SNX13: variants seen among roughly 807,000 people sequenced by gnomAD.
SNX13 encodes sorting nexin-13.
SNX13 carries 45 observed loss-of-function variants against 133.6 expected under a neutral mutation model. The observed-to-expected ratio is 0.34, with a 90% CI of 0.27 to 0.43. SNX13 has a LOEUF of 0.43. Ranked by LOEUF, SNX13 falls within the 20% of genes least tolerant of loss-of-function variation. The pLI, the probability that SNX13 is intolerant of heterozygous loss-of-function variation, is 1.00. For synonymous variants in SNX13, 414 were observed against 373.9 expected, an observed-to-expected ratio of 1.11 and a Z score of -1.24; for missense variants, 1,032 against 1,145.1, an observed-to-expected ratio of 0.90 and a Z score of 1.43.
chr7:17,849,503 G>T (rs901448148), intron 11 of SNX13, among the ~76,000 whole-genome samples: 1 of 151,954 alleles, frequency 6.6e-6, no homozygotes, highest in African/African-American at 2.4e-5. Context: ...TTAACTTTTA[G>T]CTTGTAAGTC....
chr7:17,827,343 A>C (rs1232785086), intron 16 of SNX13, among the ~76,000 whole-genome samples: 2 of 151,980 alleles, frequency 1.3e-5, no homozygotes, highest in Admixed American at 6.6e-5. Context: ...CATATTATAT[A>C]ACTCAGATAT....
chr7:17,821,519 A>G lies in SNX13; in HGVS notation c.1835T>C (p.Ile612Thr). 1.2e-6 allele frequency: 2 copies of G among 1,611,372 alleles called. No homozygotes were observed. Among genetic ancestry groups the G allele is most frequent in the Non-Finnish European group, 1.7e-6 (2 of 1,178,844 alleles). The change falls in exon 18 of 26, where the codon ATC becomes ACC. Residue 612 changes from isoleucine to threonine, a missense_variant. Physicochemically the swap from Ile to Thr is moderately conservative, Grantham distance 89 (BLOSUM62 -1). Transcript: ENST00000428135. The part of the protein sequence containing the change: ...YSDFHDFHMR[I>T]TEQFESLSSI... ...TTAAAACTTCATTACCTGTTCAGTG[A>G]TTCTCATGTGGAAGTCATGGAAGTC... is the stretch of plus-strand genomic sequence containing the variant.
intron 5 of SNX13, chr7:17,882,318 T>C (rs1038420803): frequency 2.6e-5 from 4 of 151,862 alleles, no homozygotes; most frequent in African/African-American, 9.7e-5. Flanking sequence ...TCAGAAAACT[T>C]AAAAAAAATC....
intron 1 of SNX13, among the ~76,000 whole-genome samples, chr7:17,937,440 G>A (rs569528497): frequency 6.6e-6 from 1 of 150,412 alleles, no homozygotes; most frequent in South Asian, 2.1e-4. Flanking sequence ...TTTGAACCTG[G>A]AAGGCGGAGG....
chr7:17,824,176 A>C (rs1787613673), intron 17 of SNX13, among the ~76,000 whole-genome samples: 1 of 152,106 alleles, frequency 6.6e-6, no homozygotes, highest in Admixed American at 6.6e-5. Context: ...AATTCTTATT[A>C]TGTAAAAAAA....
chr7:17,933,789 A>G (rs1801696244), intron 1 of SNX13, among the ~76,000 whole-genome samples: 2 of 113,740 alleles, frequency 1.8e-5, no homozygotes, highest in African/African-American at 5.5e-5. Flanking sequence ...CATTAGTACA[A>G]GGAATATACA....
In SNX13 at chr7:17,887,671, G is replaced by T. The variant is rs1796160579; in HGVS notation, c.440+2692C>A. Among the ~76,000 whole-genome samples the T allele has an allele frequency of 1.3e-5, 2 of 152,158 alleles. 1 individual carries two copies. Among genetic ancestry groups the T allele is most frequent in the South Asian group, 4.1e-4 (2 of 4,830 alleles). ...AGCTAAGCTCAAATCAACAGCTTCG[G>T]ACTCAAAACATACATTATTTTCTTC... On this transcript the variant is annotated intron_variant, in intron 5 of 25. Transcript: ENST00000428135.
Position 17,850,936 on chromosome 7 carries a change from G to C in SNX13, c.866C>G (p.Ala289Gly). 1 of 1,607,458 alleles carries C rather than the reference G, an allele frequency of 6.2e-7. No individual in the cohort carries two copies. The highest frequency in any genetic ancestry group is 8.5e-7 in the Non-Finnish European group (1 of 1,178,122). The change falls in exon 10 of 26, where the codon GCC becomes GGC. Residue 289 changes from alanine to glycine, a missense_variant. Coordinates refer to ENST00000428135, the MANE Select transcript of SNX13 (RefSeq NM_015132.5). ...MIRDSNCNYE[A>G]FMNIIKLSDN... ...ACTCAATTTAATAATGTTCATAAAG[G>C]CCTCATAGTTGCAGTTAGAATCACG... is the stretch of plus-strand genomic sequence containing the variant.
At chr7:17,822,754 T>G (rs1237967323) in intron 17 of SNX13, among the ~76,000 whole-genome samples, 2 of 152,202 alleles carry the variant, frequency 1.3e-5, no homozygotes, top group African/African-American at 4.8e-5. Context: ...AGCGTTCACA[T>G]TGAACAGTGT....
rs534035736 is a variant in SNX13, at chr7:17,847,066, A to C, written c.1066-1372T>G. Among the ~76,000 whole-genome samples the C allele has an allele frequency of 4.6e-5, 7 of 152,360 alleles. No individual in the cohort carries two copies. The East Asian group carries it at 1.2e-3, about 25-fold the overall frequency. ...AAATTTTAAAAGGATTCAATATCAAAAAGTGCCTGGGTAAATACACTGAGT... is the reference window on the plus strand; with the variant it reads ...AAATTTTAAAAGGATTCAATATCAACAAGTGCCTGGGTAAATACACTGAGT... On this transcript the variant is annotated intron_variant, in intron 11 of 25. Transcript: ENST00000428135.
chr7:17,818,580 T>C (rs1480942042), intron 18 of SNX13, among the ~76,000 whole-genome samples: 1 of 152,120 alleles, frequency 6.6e-6, no homozygotes, highest in Non-Finnish European at 1.5e-5. Flanking sequence ...GCCCATTCCC[T>C]GAAAAGTAAT....
intron 1 of SNX13, among the ~76,000 whole-genome samples, chr7:17,910,982 T>C (rs1053558714): frequency 3.3e-5 from 5 of 152,208 alleles, no homozygotes; most frequent in Non-Finnish European, 5.9e-5. Flanking sequence ...TTGCATACCA[T>C]GGTGAATGAA....
chr7:17,803,175 T>G (rs557225455), intron 21 of SNX13, among the ~76,000 whole-genome samples: 54 of 152,276 alleles, frequency 3.5e-4, no homozygotes, highest in Admixed American at 1.1e-3. Flanking sequence ...TAATTTTCAG[T>G]TTTTGTTTTA....
At chr7:17,934,960 A>T (rs1191404563) in intron 1 of SNX13, among the ~76,000 whole-genome samples, 2 of 152,210 alleles carry the variant, frequency 1.3e-5, no homozygotes, top group Non-Finnish European at 2.9e-5. Context: ...CATTATGAAA[A>T]ATGGTATGTA....
At chr7:17,932,224 A>G (rs767339627) in intron 1 of SNX13, among the ~76,000 whole-genome samples, 1 of 152,188 alleles carries the variant, frequency 6.6e-6, no homozygotes, top group Non-Finnish European at 1.5e-5. Context: ...ACAAAATCCA[A>G]GTCCCTCTTG....
chr7:17,932,336 CT>C (rs1402855524), intron 1 of SNX13, among the ~76,000 whole-genome samples: 7 of 151,914 alleles, frequency 4.6e-5, no homozygotes, highest in Admixed American at 1.3e-4. Context: ...TCAGGTTCAA[CT>C]TTTTTTTGTC....
At chr7:17,888,099 A>T (rs1381375130) in intron 5 of SNX13, 1 of 152,198 alleles carries the variant, frequency 6.6e-6, no homozygotes, top group Non-Finnish European at 1.5e-5. Context: ...GTAGTAATAG[A>T]AAAAGGGAAT....
chr7:17,882,825 A>C (rs1180655923), intron 5 of SNX13: 1 of 1,257,090 alleles, frequency 8.0e-7, no homozygotes, highest in African/African-American at 1.6e-5. Context: ...TAAATTACAT[A>C]TTCTAGGAGA....
chr7:17,889,091 AAG>A lies in SNX13; in HGVS notation c.440+1270_440+1271del, dbSNP rs1401748858. 3.0e-5 allele frequency: 5 copies of A among 164,304 alleles called. No homozygotes were observed. The East Asian group carries it at 9.0e-4, about 30-fold the overall frequency. The allele number at this position is 164,304 out of a possible 1,614,324, so 10.2% of individuals were successfully genotyped here. A position where few individuals can be genotyped will look rare whatever the true frequency, so the allele number is the denominator to read the frequency against. ...ATAGAAAGCAATAAAAAATATTTAG[AAG>A]AGTTATCTGAAAGAATACCTAACAC... is the stretch of plus-strand genomic sequence containing the variant. On this transcript the variant is annotated intron_variant, in intron 5 of 25. Transcript: ENST00000428135.
Sources: gnomAD v4.1 joint callset for allele counts (sites outside exome capture counted in the v4.1 genomes callset) on GRCh38, gnomAD v4.1.1 for gene constraint, MANE v1.5 for transcripts, NCBI Gene and HGNC (gene_info 2026-07-23, HGNC 2026-07-21) for gene names.